Variants in ADARB2 observed in about 807,000 individuals in gnomAD.
The protein encoded by ADARB2 is inactive double-stranded RNA-specific editase B2.
Under a neutral mutation model 62.2 loss-of-function variants are expected in ADARB2, and 25 were observed. That is an observed-to-expected ratio of 0.40 (90% CI 0.29 to 0.56). The LOEUF is 0.56. Among genes scored for constraint, ADARB2 ranks in the 20% least tolerant of loss-of-function variants. The pLI is 0.43. For synonymous variants in ADARB2, 572 were observed against 500.8 expected, an observed-to-expected ratio of 1.14 and a Z score of -1.90; for missense variants, 1,071 against 1,077.4, an observed-to-expected ratio of 0.99 and a Z score of 0.08.
chr10:1,627,007 C>G (rs1057184612), intron 1 of ADARB2, among the ~76,000 whole-genome samples: 5 of 151,980 alleles, frequency 3.3e-5, no homozygotes, highest in South Asian at 2.1e-4. Context: ...CAGGTCCCAC[C>G]TTTTCCCCGG....
chr10:1,326,813 C>T (rs1215736617), intron 3 of ADARB2, among the ~76,000 whole-genome samples: 1 of 132,632 alleles, frequency 7.5e-6, no homozygotes, highest in African/African-American at 2.9e-5. Context: ...CGGCCCAGCG[C>T]CTCCCCACGG....
intron 1 of ADARB2, among the ~76,000 whole-genome samples, chr10:1,585,808 G>A (rs958639719): frequency 2.0e-5 from 3 of 152,186 alleles, no homozygotes; most frequent in Non-Finnish European, 4.4e-5. Context: ...GCCAAGGTGG[G>A]CAGATCACGA....
At chr10:1,242,520 G>A (rs528540714) in intron 4 of ADARB2, among the ~76,000 whole-genome samples, 2 of 152,230 alleles carry the variant, frequency 1.3e-5, no homozygotes, top group Non-Finnish European at 2.9e-5. Context: ...CTGAGACAGC[G>A]CTCAGAGTGC....
intron 1 of ADARB2, among the ~76,000 whole-genome samples, chr10:1,446,883 G>C (rs1414977477): frequency 6.6e-6 from 1 of 152,176 alleles, no homozygotes; most frequent in Admixed American, 6.5e-5. Flanking sequence ...CGGGAGGGTT[G>C]ATGGCCTCAG....
intron 1 of ADARB2, among the ~76,000 whole-genome samples, chr10:1,568,985 A>T (rs1832897868): frequency 6.6e-6 from 1 of 152,154 alleles, no homozygotes. Flanking sequence ...GCCCATTAGA[A>T]GGCGAGGCGA....
chr10:1,657,899 G>A (rs182204364), intron 1 of ADARB2, among the ~76,000 whole-genome samples: 89 of 151,742 alleles, frequency 5.9e-4, no homozygotes, highest in Middle Eastern at 3.4e-3. Context: ...GTTTCTCCCC[G>A]TCTCTGTCTC....
At chr10:1,430,112 AAG>A (rs1312431590) in intron 1 of ADARB2, among the ~76,000 whole-genome samples, 1 of 152,212 alleles carries the variant, frequency 6.6e-6, no homozygotes, top group Non-Finnish European at 1.5e-5. Flanking sequence ...TATGGAGTGT[AAG>A]AGAACTAAGT....
chr10:1,357,429 C>T (rs1282688124), intron 3 of ADARB2, among the ~76,000 whole-genome samples: 2 of 152,164 alleles, frequency 1.3e-5, no homozygotes, highest in Admixed American at 6.5e-5. Flanking sequence ...CTGTCCCTGG[C>T]ACCACAATCT....
rs556265803 is a variant in ADARB2, at chr10:1,248,135, G to A, written c.1193-5836C>T. Among the ~76,000 whole-genome samples the A allele has an allele frequency of 3.0e-4, 46 of 152,352 alleles. 1 individual carries two copies. Among genetic ancestry groups the A allele is most frequent in the African/African-American group, 1.1e-3 (45 of 41,580 alleles). The stretch of plus-strand genomic sequence containing the variant: ...ATGGGGCAGCAAAGACGCCAGGCGA[G>A]GGGAGGCTGTACTGAGGTCCCGTCT... On this transcript the variant is annotated intron_variant, in intron 4 of 9. Transcript: ENST00000381312.
chr10:1,679,036 G>T (rs1261638662), intron 1 of ADARB2, among the ~76,000 whole-genome samples: 2 of 152,190 alleles, frequency 1.3e-5, no homozygotes, highest in African/African-American at 4.8e-5. Context: ...GCTTCCATCA[G>T]TCACGATTTG....
intron 1 of ADARB2, among the ~76,000 whole-genome samples, chr10:1,471,057 T>TA (rs1831315587): frequency 6.6e-6 from 1 of 151,864 alleles, no homozygotes; most frequent in Admixed American, 6.6e-5. Context: ...AGACTCCGTC[T>TA]AAAAAAAACA....
intron 1 of ADARB2, among the ~76,000 whole-genome samples, chr10:1,683,192 C>T (rs1208625082): frequency 6.6e-6 from 1 of 152,160 alleles, no homozygotes; most frequent in East Asian, 1.9e-4. Context: ...AGCATTCCTA[C>T]CGAGATAGGT....
chr10:1,621,405 T>C (rs1016406390), intron 1 of ADARB2, among the ~76,000 whole-genome samples: 1 of 150,516 alleles, frequency 6.6e-6, no homozygotes, highest in African/African-American at 2.5e-5. Context: ...TTCTTCTTTT[T>C]CTTTTTCTTT....
chr10:1,528,828 A>G (rs1266611106), intron 1 of ADARB2, among the ~76,000 whole-genome samples: 2 of 152,166 alleles, frequency 1.3e-5, no homozygotes, highest in African/African-American at 4.8e-5. Flanking sequence ...GAATGTGTGG[A>G]ATTGGGATTT....
chr10:1,363,299 G>A lies in ADARB2; in HGVS notation c.806C>T (p.Ala269Val). The A allele has an allele frequency of 8.1e-7, 1 of 1,232,512 alleles. No homozygotes were observed. Among genetic ancestry groups the A allele is most frequent in the South Asian group, 3.4e-5 (1 of 29,294 alleles). 76.3% of individuals were successfully genotyped at this position (1,232,512 alleles called of 1,614,324 possible). ...GCGCTCGCCCGGGGCCGCGGGGGTG[G>A]CGGGGGTCGGGCCCACCAGGTCCAG... Reference protein sequence around the residue: ...RALDLVGPTPATPAAPGERNP... With the variant: ...RALDLVGPTPVTPAAPGERNP... The change falls in exon 3 of 10, where the codon GCC becomes GTC. Residue 269 changes from alanine to valine, a missense_variant. Physicochemically the swap from Ala to Val is moderately conservative, Grantham distance 64 (BLOSUM62 0). Coordinates refer to ENST00000381312, the MANE Select transcript of ADARB2 (RefSeq NM_018702.4).
At chr10:1,189,130 C>T (rs1836804304) in intron 8 of ADARB2, among the ~76,000 whole-genome samples, 1 of 152,162 alleles carries the variant, frequency 6.6e-6, no homozygotes, top group South Asian at 2.1e-4. Context: ...GAGGACACTC[C>T]AGCATTGGGA....
chr10:1,334,975 G>A (rs944394462), intron 3 of ADARB2, among the ~76,000 whole-genome samples: 2 of 152,156 alleles, frequency 1.3e-5, no homozygotes, highest in East Asian at 1.9e-4. Flanking sequence ...AAAATCATGT[G>A]GGGCCCTTGT....
At chr10:1,619,605 C>A (rs926301109) in intron 1 of ADARB2, among the ~76,000 whole-genome samples, 3 of 152,140 alleles carry the variant, frequency 2.0e-5, no homozygotes, top group African/African-American at 4.8e-5. Context: ...GGGTATGCCA[C>A]CATGCCCAGC....
chr10:1,698,217 T>C (rs1564198045), intron 1 of ADARB2, among the ~76,000 whole-genome samples: 1 of 152,340 alleles, frequency 6.6e-6, no homozygotes, highest in Admixed American at 6.5e-5. Context: ...TGTTGCTTTT[T>C]CTCTTTCTTA....
Sources: gnomAD v4.1 joint callset for allele counts (sites outside exome capture counted in the v4.1 genomes callset) on GRCh38, gnomAD v4.1.1 for gene constraint, MANE v1.5 for transcripts, NCBI Gene and HGNC (gene_info 2026-07-23, HGNC 2026-07-21) for gene names.